The following RARB variants were observed in gnomAD, a reference collection of about 807,000 sequenced individuals.
RARB encodes HBV-activated protein.
RARB carries 17 observed loss-of-function variants against 51.9 expected under a neutral mutation model. That is an observed-to-expected ratio of 0.33 (90% CI 0.22 to 0.49). RARB has a LOEUF of 0.49. Ranked by LOEUF, RARB falls within the 20% of genes least tolerant of loss-of-function variation. RARB has a pLI of 0.99. For missense variants in RARB, 369 were observed against 550.8 expected (o/e 0.67, Z 3.30); for synonymous variants, 215 against 195.4 (o/e 1.10, Z -0.84).
rs143513705 is a variant in RARB, at chr3:25,358,308, A to C, written c.179-102885A>C. 5.8e-3 allele frequency among the ~76,000 whole-genome samples: 885 copies of C among 152,154 alleles called. 4 individuals carry two copies. The highest frequency in any genetic ancestry group is 0.014 in the Middle Eastern group (4 of 294). On this transcript the variant is annotated intron_variant, in intron 5 of 11. Transcript: ENST00000383772. ...TCTATTATTGGTGTATAGGAGTACTAGTGATTTTTGCACATTGAATTTGTA... is the reference window on the plus strand; with the variant it reads ...TCTATTATTGGTGTATAGGAGTACTCGTGATTTTTGCACATTGAATTTGTA...
chr3:25,308,115 T>C (rs1046236626), intron 5 of RARB, among the ~76,000 whole-genome samples: 6 of 152,212 alleles, frequency 3.9e-5, no homozygotes, highest in Non-Finnish European at 8.8e-5. Context: ...CAAGAGTAGA[T>C]ACTATGGAAC....
At chr3:25,368,082 T>C (rs550912446) in intron 5 of RARB, among the ~76,000 whole-genome samples, 9 of 152,316 alleles carry the variant, frequency 5.9e-5, no homozygotes, top group African/African-American at 1.9e-4. Flanking sequence ...AGAATATTCT[T>C]TCTGACTTTT....
intron 3 of RARB, among the ~76,000 whole-genome samples, chr3:25,520,357 A>C (rs371149507): frequency 2.0e-5 from 3 of 152,252 alleles, no homozygotes; most frequent in East Asian, 3.9e-4. Context: ...TCCTATCTCA[A>C]CAGTTCAGTA....
chr3:25,064,709 C>T (rs143439015), intron 3 of RARB, among the ~76,000 whole-genome samples: 162 of 152,214 alleles, frequency 1.1e-3, no homozygotes, highest in Middle Eastern at 0.01. Flanking sequence ...GGTTCTGAGA[C>T]CATGTAGCTA....
chr3:25,087,417 T>TTTC (rs1415060039), intron 3 of RARB, among the ~76,000 whole-genome samples: 1 of 152,112 alleles, frequency 6.6e-6, no homozygotes, highest in Non-Finnish European at 1.5e-5. Context: ...AGATTGTAGG[T>TTTC]GGAAGAAGCC....
intron 5 of RARB, among the ~76,000 whole-genome samples, chr3:25,255,306 G>C (rs975990754): frequency 5.9e-5 from 9 of 152,148 alleles, no homozygotes; most frequent in African/African-American, 2.2e-4. Flanking sequence ...CCCCAGCAGT[G>C]ACTAGCGGTA....
intron 3 of RARB, among the ~76,000 whole-genome samples, chr3:25,524,628 G>C (rs572800832): frequency 3.7e-5 from 4 of 109,560 alleles, no homozygotes; most frequent in South Asian, 2.7e-4. Context: ...CTCCCTCCCT[G>C]CCTCCCTCCT....
At chr3:25,340,642 A>T (rs1163411444) in intron 5 of RARB, among the ~76,000 whole-genome samples, 1 of 152,174 alleles carries the variant, frequency 6.6e-6, no homozygotes, top group Admixed American at 6.6e-5. Flanking sequence ...GGAAATAAAT[A>T]CTTTGCCTCA....
At chr3:25,520,807 T>C (rs1338025656) in intron 3 of RARB, among the ~76,000 whole-genome samples, 2 of 152,180 alleles carry the variant, frequency 1.3e-5, no homozygotes, top group African/African-American at 4.8e-5. Context: ...GACAAACTTA[T>C]TACCCTTCAC....
At chr3:24,895,831 T>C (rs542804310) in intron 2 of RARB, among the ~76,000 whole-genome samples, 58 of 152,252 alleles carry the variant, frequency 3.8e-4, no homozygotes, top group Non-Finnish European at 6.9e-4. Context: ...AAATGAAGCA[T>C]AGAATAACGT....
At chr3:25,038,522 C>T (rs1342493897) in intron 2 of RARB, among the ~76,000 whole-genome samples, 3 of 152,100 alleles carry the variant, frequency 2.0e-5, no homozygotes, top group Non-Finnish European at 2.9e-5. Context: ...CATTGTGGCC[C>T]TCCTTTTTTT....
intron 5 of RARB, among the ~76,000 whole-genome samples, chr3:25,383,999 G>A (rs534578006): frequency 6.6e-6 from 1 of 152,022 alleles, no homozygotes; most frequent in South Asian, 2.1e-4. Context: ...AGACTACACA[G>A]ATCTGTAAGA....
rs565650190 is a variant in RARB at position 25,056,777 on chromosome 3, T to G, written c.-379-3348T>G. On this transcript the variant is annotated intron_variant, in intron 2 of 11. Coordinates refer to the RARB transcript ENST00000383772. ...TCACCATTTTGAGAGGATAGAATTC[T>G]TTTAATTATTCAGCAAAATATAATG... Among the ~76,000 whole-genome samples, 515 of 152,302 alleles carry G rather than the reference T, an allele frequency of 3.4e-3. 2 individuals carry two copies. Among genetic ancestry groups the G allele is most frequent in the Non-Finnish European group, 5.7e-3 (389 of 67,996 alleles).
chr3:25,416,479 T>C (rs1331618947), intron 5 of RARB, among the ~76,000 whole-genome samples: 1 of 152,220 alleles, frequency 6.6e-6, no homozygotes, highest in Non-Finnish European at 1.5e-5. Context: ...ATTATCCAGT[T>C]CCAGGACTGC....
intron 5 of RARB, among the ~76,000 whole-genome samples, chr3:25,585,452 T>G (rs968079426): frequency 6.6e-6 from 1 of 152,252 alleles, no homozygotes; most frequent in Non-Finnish European, 1.5e-5. Flanking sequence ...AATGACTTGC[T>G]TTGCCAGGGT....
At chr3:25,005,528 G>A (rs1054328854) in intron 2 of RARB, among the ~76,000 whole-genome samples, 6 of 152,096 alleles carry the variant, frequency 3.9e-5, no homozygotes, top group African/African-American at 1.2e-4. Flanking sequence ...CTGCATAAGT[G>A]CCCTCACAAT....
intron 2 of RARB, among the ~76,000 whole-genome samples, chr3:24,873,097 A>G (rs1702977644): frequency 6.6e-6 from 1 of 152,248 alleles, no homozygotes. Flanking sequence ...GCTATATTCC[A>G]ATAAAAGTTT....
upstream of RARB, among the ~76,000 whole-genome samples, chr3:25,427,517 C>T (rs547037665): frequency 6.6e-5 from 10 of 152,250 alleles, no homozygotes; most frequent in Admixed American, 3.9e-4. Flanking sequence ...TTTTTCAAGT[C>T]CAGATCTGAA....
At chr3:25,247,856 G>T (rs145812697) in intron 5 of RARB, among the ~76,000 whole-genome samples, 1 of 152,308 alleles carries the variant, frequency 6.6e-6, no homozygotes, top group African/African-American at 2.4e-5. Flanking sequence ...GTATACTGTA[G>T]CTGTTGGGTG....
Sources: allele counts gnomAD v4.1 joint callset (sites outside exome capture counted in the v4.1 genomes callset), GRCh38; gene constraint gnomAD v4.1.1; transcripts MANE v1.5; gene names NCBI Gene and HGNC (gene_info 2026-07-23, HGNC 2026-07-21).